NTRK2: variants seen among roughly 807,000 people sequenced by gnomAD.
NTRK2 encodes the protein neurotrophic receptor tyrosine kinase 2, also known as BDNF/NT-3 growth factors receptor.
NTRK2 carries 13 observed loss-of-function variants against 94.5 expected under a neutral mutation model. The observed-to-expected ratio is 0.14, with a 90% CI of 0.09 to 0.22. NTRK2 has a LOEUF of 0.22. Ranked by LOEUF, NTRK2 falls within the 10% of genes least tolerant of loss-of-function variation. The probability of loss-of-function intolerance (pLI) is 1.00; values close to 1 mark genes in which losing one functional copy is unlikely to be tolerated. For synonymous variants in NTRK2, 372 were observed against 407.4 expected (o/e 0.91, Z 1.05); for missense variants, 639 against 1,071.2 (o/e 0.60, Z 5.63).
At chr9:84,702,562 C>G in intron 4 of NTRK2, 143 bp downstream of exon 4, 1 of 776,264 alleles carries the variant, frequency 1.3e-6, no homozygotes, top group Non-Finnish European at 2.3e-6. Flanking sequence ...AACATTAGCT[C>G]TGATTTTGTT....
At chr9:84,969,653 G>T (rs1405719605) in intron 17 of NTRK2, among the ~76,000 whole-genome samples, 1 of 152,190 alleles carries the variant, frequency 6.6e-6, no homozygotes, top group African/African-American at 2.4e-5. Context: ...ATGATGTTTT[G>T]AGATAATCTA....
chr9:84,821,124 T>C (rs936272448), intron 12 of NTRK2, among the ~76,000 whole-genome samples: 4 of 152,194 alleles, frequency 2.6e-5, no homozygotes, highest in Admixed American at 2.0e-4. Flanking sequence ...TTCTCTTTTA[T>C]CTTTTTTTAA....
chr9:84,699,954 G>C (rs750932281), intron 2 of NTRK2, among the ~76,000 whole-genome samples: 1 of 152,158 alleles, frequency 6.6e-6, no homozygotes, highest in Non-Finnish European at 1.5e-5. Flanking sequence ...TTAAAGATGA[G>C]TGCCTTGTGC....
At chr9:84,819,142 C>G (rs2072620462) in intron 12 of NTRK2, among the ~76,000 whole-genome samples, 1 of 152,142 alleles carries the variant, frequency 6.6e-6, no homozygotes, top group South Asian at 2.1e-4. Flanking sequence ...AATGTTTATC[C>G]TGTTGCCAAG....
intron 17 of NTRK2, among the ~76,000 whole-genome samples, chr9:85,007,252 G>A (rs747364733): frequency 1.3e-5 from 2 of 152,170 alleles, no homozygotes; most frequent in South Asian, 4.1e-4. Flanking sequence ...AAGTTAGCCA[G>A]GTAAAAATTG....
chr9:84,771,013 C>A (rs1461587668), intron 12 of NTRK2, among the ~76,000 whole-genome samples: 1 of 152,172 alleles, frequency 6.6e-6, no homozygotes, highest in African/African-American at 2.4e-5. Flanking sequence ...AGGAGACTGT[C>A]TCTTTAGGAA....
intron 14 of NTRK2, chr9:84,872,099 C>G (rs1227235322): frequency 6.8e-6 from 9 of 1,331,436 alleles, no homozygotes; most frequent in Middle Eastern, 5.8e-4. Context: ...AGGAGCTCAG[C>G]AACATCAAGT....
intron 14 of NTRK2, chr9:84,874,664 C>G: frequency 1.8e-5 from 19 of 1,061,998 alleles, no homozygotes; most frequent in Non-Finnish European, 2.2e-5. Flanking sequence ...ACCTGGTTGC[C>G]ACATAAAGGA....
intron 4 of NTRK2, 124 bp from the exon 5 acceptor site, chr9:84,707,720 T>G: frequency 1.4e-6 from 1 of 722,124 alleles, no homozygotes; most frequent in South Asian, 1.8e-5. Context: ...GAGATCTGGA[T>G]GTAAGTAAAG....
intron 17 of NTRK2, among the ~76,000 whole-genome samples, chr9:84,972,066 A>G (rs1826251387): frequency 6.6e-6 from 1 of 152,204 alleles, no homozygotes; most frequent in Admixed American, 6.5e-5. Context: ...ACCGGCATGA[A>G]AACATTCATA....
intron 12 of NTRK2, among the ~76,000 whole-genome samples, chr9:84,803,214 T>C (rs2070710860): frequency 6.6e-6 from 1 of 152,184 alleles, no homozygotes; most frequent in African/African-American, 2.4e-5. Context: ...CTACTAATGG[T>C]TGCTCCTGGG....
chr9:84,777,494 T>A (rs1202187488), intron 12 of NTRK2, among the ~76,000 whole-genome samples: 1 of 152,222 alleles, frequency 6.6e-6, no homozygotes, highest in African/African-American at 2.4e-5. Flanking sequence ...GTAGAACAGA[T>A]TTCTTCTTTG....
At chr9:84,884,731 T>TA (rs1194816942) in intron 14 of NTRK2, among the ~76,000 whole-genome samples, 3 of 152,226 alleles carry the variant, frequency 2.0e-5, no homozygotes, top group Admixed American at 2.0e-4. Context: ...CTGTGTTTAA[T>TA]AAAACTGTTG....
At chr9:84,701,983 A>G (rs1017727922) in intron 2 of NTRK2, among the ~76,000 whole-genome samples, 176 bp from the exon 3 acceptor site, 6 of 152,234 alleles carry the variant, frequency 3.9e-5, no homozygotes, top group African/African-American at 1.4e-4. Flanking sequence ...CTGGTCAGTC[A>G]TGGTTTCTGC....
intron 14 of NTRK2, among the ~76,000 whole-genome samples, chr9:84,915,799 T>C (rs2077376054): frequency 6.6e-6 from 1 of 152,190 alleles, no homozygotes; most frequent in Admixed American, 6.5e-5. Flanking sequence ...TCCCCAGATG[T>C]TGAGCTTTCT....
At chr9:84,969,468 T>A (rs1277676153) in intron 17 of NTRK2, among the ~76,000 whole-genome samples, 1 of 152,234 alleles carries the variant, frequency 6.6e-6, no homozygotes, top group Non-Finnish European at 1.5e-5. Context: ...CACCAAATAA[T>A]GTTCTGCATG....
chr9:84,736,976 C>T (rs546203732), intron 9 of NTRK2, among the ~76,000 whole-genome samples: 3 of 152,240 alleles, frequency 2.0e-5, no homozygotes, highest in African/African-American at 7.2e-5. Flanking sequence ...ATACTGTCGG[C>T]AAAGCAAGGA....
chr9:84,851,014 T>A (rs1390910407), intron 12 of NTRK2, among the ~76,000 whole-genome samples: 15 of 152,128 alleles, frequency 9.9e-5, no homozygotes, highest in Admixed American at 9.2e-4. Context: ...TAGGTCAGGG[T>A]TTCGCAATCT....
intron 18 of NTRK2, among the ~76,000 whole-genome samples, 183 bp downstream of exon 18, chr9:85,020,547 T>C (rs1480477658): frequency 6.6e-6 from 1 of 152,182 alleles, no homozygotes; most frequent in Non-Finnish European, 1.5e-5. Context: ...ATAATCACTC[T>C]GAGAAAGCAA....
Sources: gnomAD v4.1 joint callset for allele counts (sites outside exome capture counted in the v4.1 genomes callset) on GRCh38, gnomAD v4.1.1 for gene constraint, MANE v1.5 for transcripts, NCBI Gene and HGNC (gene_info 2026-07-23, HGNC 2026-07-21) for gene names.